The following CHST15 variants were observed in gnomAD, a reference collection of about 807,000 sequenced individuals.
CHST15 encodes the protein carbohydrate sulfotransferase 15, also known as B cell RAG associated protein (GALNAC4S-6ST).
In CHST15, 30 loss-of-function variants were observed where a neutral mutation model predicts 53.6. The ratio of observed to expected loss-of-function variants is 0.56; its 90% CI spans 0.42 to 0.76. CHST15 has a LOEUF of 0.76. Among genes scored for constraint, CHST15 ranks in the 30% least tolerant of loss-of-function variants. CHST15 has a pLI of 0.00. For missense variants in CHST15, 627 were observed against 740.5 expected, an observed-to-expected ratio of 0.85 and a Z score of 1.78; for synonymous variants, 296 against 289.8, an observed-to-expected ratio of 1.02 and a Z score of -0.22.
In CHST15 at chr10:124,007,789, T is replaced by C; in HGVS notation, c.*2360A>G. Reference sequence around the variant, plus strand: ...ATTCACTTAACATACCTTACAGGACTAAGGGAGTACAATTTAACACGGTCA... The same window carrying C: ...ATTCACTTAACATACCTTACAGGACCAAGGGAGTACAATTTAACACGGTCA... On this transcript the variant is annotated 3_prime_UTR_variant, in exon 8 of 8. Transcript: ENST00000435907. 4 of 1,231,808 alleles carry C rather than the reference T, an allele frequency of 3.2e-6. No individual in the cohort carries two copies. The highest frequency in any genetic ancestry group is 6.2e-4 in the Middle Eastern group (2 of 3,208). The allele number at this position is 1,231,808 out of a possible 1,614,324, so 76.3% of individuals were successfully genotyped here.
At chr10:124,073,820 G>A (rs574484986) in intron 1 of CHST15, among the ~76,000 whole-genome samples, 1 of 152,278 alleles carries the variant, frequency 6.6e-6, no homozygotes. Flanking sequence ...AACAGAGCTC[G>A]TAACCACTTA....
Position 124,084,417 on chromosome 10 carries a change from G to A in CHST15, c.-513+9052C>T, listed in dbSNP as rs183085745. 3.2e-4 allele frequency among the ~76,000 whole-genome samples: 48 copies of A among 152,244 alleles called. No individual in the cohort carries two copies. In the East Asian group the frequency reaches 7.4e-3, roughly 23 times the overall value. Reference sequence around the variant, plus strand: ...TCCGTTAGAGCCTTTGGGCCAGAAGGTGACCATTGAAGGCTGCCCAGAGAG... The same window carrying A: ...TCCGTTAGAGCCTTTGGGCCAGAAGATGACCATTGAAGGCTGCCCAGAGAG... On this transcript the variant is annotated intron_variant, in intron 1 of 7. Coordinates refer to ENST00000435907, the MANE Select transcript of CHST15 (RefSeq NM_001270764.2).
chr10:124,069,115 G>A (rs1409010527), intron 1 of CHST15, among the ~76,000 whole-genome samples: 5 of 152,274 alleles, frequency 3.3e-5, no homozygotes, highest in East Asian at 1.9e-4. Context: ...GACATCCATC[G>A]GCTTAGCATC....
chr10:124,046,487 C>T lies in CHST15; in HGVS notation c.-275G>A, dbSNP rs1180866933. ...GCAACCTCAGAGAAGGTCACAAGTT[C>T]GGGAGCAGCTCTGCCTGCCCTTCAG... On this transcript the variant is annotated 5_prime_UTR_variant, in exon 2 of 8. Transcript: ENST00000435907. 1 of 343,206 alleles carries T rather than the reference C, an allele frequency of 2.9e-6. No homozygotes were observed. The highest frequency in any genetic ancestry group is 5.2e-6 in the Non-Finnish European group (1 of 190,504). 21.3% of individuals were successfully genotyped at this position (343,206 alleles called of 1,614,324 possible). A position where few individuals can be genotyped will look rare whatever the true frequency, so the allele number is the denominator to read the frequency against.
At chr10:124,077,543 T>C (rs1949117334) in intron 1 of CHST15, among the ~76,000 whole-genome samples, 2 of 152,228 alleles carry the variant, frequency 1.3e-5, no homozygotes, top group African/African-American at 4.8e-5. Flanking sequence ...TTTACCTTAG[T>C]TGAGTGATGT....
At chr10:124,015,485 T>C (rs1946559032) in intron 6 of CHST15, among the ~76,000 whole-genome samples, 1 of 151,836 alleles carries the variant, frequency 6.6e-6, no homozygotes, top group South Asian at 2.1e-4. Context: ...TTGTCCCCCA[T>C]GCAGGGCCCC....
chr10:124,011,121 G>A (rs1185663544), intron 7 of CHST15: 1 of 975,370 alleles, frequency 1.0e-6, no homozygotes, highest in Admixed American at 6.2e-5. Context: ...GAGAGGCCCT[G>A]AAACAGAACA....
chr10:124,044,658 A>G lies in CHST15; in HGVS notation c.808T>C (p.Tyr270His). 1.9e-6 allele frequency: 3 copies of G among 1,611,278 alleles called. No homozygotes were observed. Among genetic ancestry groups the G allele is most frequent in the East Asian group, 4.5e-5 (2 of 44,558 alleles). The change falls in exon 3 of 8, where the codon TAT (tyrosine) becomes CAT (histidine). Residue 270 changes from tyrosine to histidine, a missense_variant. Physicochemically the swap from Tyr to His is moderately conservative, Grantham distance 83. Coordinates refer to ENST00000435907, the MANE Select transcript of CHST15 (RefSeq NM_001270764.2). ...GQPKCGTTDL[Y>H]DRLRLHPEVK... ...TCAGGGTGCAGCCGCAGGCGGTCAT[A>G]GAGGTCTGTGGTCCCGCACTTGGGC...
At chr10:124,080,299 G>A (rs1949194689) in intron 1 of CHST15, among the ~76,000 whole-genome samples, 1 of 152,168 alleles carries the variant, frequency 6.6e-6, no homozygotes, top group Admixed American at 6.5e-5. Context: ...CTCCCCTTGG[G>A]GTCCTGGCAC....
intron 6 of CHST15, 175 bp downstream of exon 6, chr10:124,021,081 A>G: frequency 6.8e-7 from 1 of 1,470,870 alleles, no homozygotes; most frequent in Non-Finnish European, 9.0e-7. Flanking sequence ...CCAAGAGCCC[A>G]TCAGTTTTCA....
At position 124,007,730 on chromosome 10, in the gene CHST15, T is replaced by C. The variant is rs1470221681; in HGVS notation, c.*2419A>G. ...ACTCTTATGGGTCCATCTTTAATTA[T>C]GTTAAATATTAATAAAAGTACAGCG... On this transcript the variant is annotated 3_prime_UTR_variant, in exon 8 of 8. Transcript: ENST00000435907. 9.8e-6 allele frequency: 12 copies of C among 1,228,886 alleles called. No individual in the cohort carries two copies. Among genetic ancestry groups the C allele is most frequent in the South Asian group, 8.5e-5 (2 of 23,462 alleles). The allele number at this position is 1,228,886 out of a possible 1,614,324, so 76.1% of individuals were successfully genotyped here.
At chr10:124,022,218 T>C (rs1946814088) in intron 5 of CHST15, among the ~76,000 whole-genome samples, 1 of 152,218 alleles carries the variant, frequency 6.6e-6, no homozygotes, top group South Asian at 2.1e-4. Flanking sequence ...GAGAGGCTAC[T>C]GTTCTGGACT....
In CHST15 at chr10:124,032,560, A is replaced by C. The variant is rs537751176; in HGVS notation, c.1190+5955T>G. Reference sequence around the variant, plus strand: ...CTCACAAATGAAGAGGCAGGAGGCTAATGTGAGATGCATTTGAAAAGAATA... The same window carrying C: ...CTCACAAATGAAGAGGCAGGAGGCTCATGTGAGATGCATTTGAAAAGAATA... On this transcript the variant is annotated intron_variant, in intron 5 of 7. Coordinates refer to ENST00000435907, the MANE Select transcript of CHST15 (RefSeq NM_001270764.2). Among the ~76,000 whole-genome samples, 3 of 152,336 alleles carry C rather than the reference A, an allele frequency of 2.0e-5. No homozygotes were observed. The South Asian group carries it at 6.2e-4, about 32-fold the overall frequency.
At chr10:124,010,969 G>A in intron 7 of CHST15, 1 of 985,282 alleles carries the variant, frequency 1.0e-6, no homozygotes, top group Non-Finnish European at 1.2e-6. Context: ...CCCACGCCCC[G>A]CCCTCTGGAG....
At chr10:124,043,841 G>T (rs1947831735) in intron 3 of CHST15, among the ~76,000 whole-genome samples, 1 of 152,192 alleles carries the variant, frequency 6.6e-6, no homozygotes, top group African/African-American at 2.4e-5. Context: ...CCCAGGTGCA[G>T]TGACTGCAGC....
chr10:124,045,117 A>AG (rs1947921473), intron 2 of CHST15, among the ~76,000 whole-genome samples, 198 bp from the exon 3 acceptor site: 86 of 109,876 alleles, frequency 7.8e-4, no homozygotes, highest in Non-Finnish European at 1.3e-3. Flanking sequence ...CCCCACAAAA[A>AG]AAAAAAAAAA....
chr10:124,011,574 C>A, intron 7 of CHST15: 1 of 985,448 alleles, frequency 1.0e-6, no homozygotes, highest in Non-Finnish European at 1.2e-6. Flanking sequence ...CTTGTTCGAG[C>A]CTGCTCAGCC....
intron 5 of CHST15, among the ~76,000 whole-genome samples, chr10:124,038,306 A>AT (rs766995382): frequency 6.6e-6 from 1 of 152,034 alleles, no homozygotes; most frequent in Non-Finnish European, 1.5e-5. Flanking sequence ...GGGTTTCACC[A>AT]TGTTGGCCAG....
chr10:124,038,991 C>G (rs1947634793), intron 4 of CHST15, among the ~76,000 whole-genome samples: 2 of 152,198 alleles, frequency 1.3e-5, no homozygotes. Context: ...CCTGGGCCCC[C>G]AGTTTCACAG....
Sources: allele counts gnomAD v4.1 joint callset (sites outside exome capture counted in the v4.1 genomes callset), GRCh38; gene constraint gnomAD v4.1.1; transcripts MANE v1.5; gene names NCBI Gene and HGNC (gene_info 2026-07-23, HGNC 2026-07-21).